The following IL1RAPL1 variants were observed in gnomAD, a reference collection of about 807,000 sequenced individuals.
IL1RAPL1 encodes interleukin 1 receptor accessory protein like 1, also known as interleukin-1 receptor accessory protein-like 1.
Under a neutral mutation model 48.4 loss-of-function variants are expected in IL1RAPL1, and 3 were observed. That is an observed-to-expected ratio of 0.06 (90% CI 0.03 to 0.16). The LOEUF (loss-of-function observed/expected upper bound fraction) is 0.16, where lower values mean the gene tolerates loss of function less well. Ranked by LOEUF, IL1RAPL1 falls within the 10% of genes least tolerant of loss-of-function variation. The pLI, the probability that IL1RAPL1 is intolerant of heterozygous loss-of-function variation, is 1.00. For synonymous variants in IL1RAPL1, 185 were observed against 187.7 expected (o/e 0.99, Z 0.12); for missense variants, 349 against 530.6 (o/e 0.66, Z 3.36).
intron 1 of IL1RAPL1, among the ~76,000 whole-genome samples, chrX:28,720,723 T>C (rs1335875430): frequency 9.0e-6 from 1 of 111,471 alleles, no homozygotes; most frequent in East Asian, 2.8e-4. Context: ...TTACATTAGG[T>C]ATATCTCCTA....
intron 5 of IL1RAPL1, among the ~76,000 whole-genome samples, chrX:29,552,802 C>CTTTTTTTTTTTTTT (rs765234944): frequency 0.015 from 349 of 23,007 alleles, no homozygotes; most frequent in East Asian, 0.033. Context: ...TTTCACTCTC[C>CTTTTTTTTTTTTTT]TTTTTTTTTT....
chrX:29,348,675 C>T (rs1933183675), intron 3 of IL1RAPL1, among the ~76,000 whole-genome samples: 1 of 111,548 alleles, frequency 9.0e-6, no homozygotes, highest in South Asian at 3.7e-4. Context: ...GGAAATTGGA[C>T]AGATGATGTA....
chrX:29,368,109 TAC>T (rs2147664575), intron 3 of IL1RAPL1, among the ~76,000 whole-genome samples: 1 of 111,511 alleles, frequency 9.0e-6, no homozygotes, highest in East Asian at 2.8e-4. Flanking sequence ...ACTGAACATG[TAC>T]AGTCTTTATT....
At chrX:29,160,126 T>G (rs1929652335) in intron 2 of IL1RAPL1, among the ~76,000 whole-genome samples, 1 of 112,220 alleles carries the variant, frequency 8.9e-6, no homozygotes, top group African/African-American at 3.2e-5. Context: ...ATTAATCTGG[T>G]ATATGTGAAC....
Position 29,554,048 on chromosome X carries a change from G to T in IL1RAPL1, c.704-114382G>T, listed in dbSNP as rs146943994. Among the ~76,000 whole-genome samples the T allele has an allele frequency of 8.6e-3, 941 of 109,973 alleles. 24 individuals are homozygous for T. Among genetic ancestry groups the T allele is most frequent in the East Asian group, 0.076 (262 of 3,450 alleles). Reference sequence around the variant, plus strand: ...CAATTTTCTGATGGATCCAAGAAAAGTCAATGATTTTTAGTTTCTTTGGCT... The same window carrying T: ...CAATTTTCTGATGGATCCAAGAAAATTCAATGATTTTTAGTTTCTTTGGCT... On this transcript the variant is annotated intron_variant, in intron 5 of 10. Transcript: ENST00000378993.
At chrX:29,616,319 G>A (rs1924282527) in intron 5 of IL1RAPL1, among the ~76,000 whole-genome samples, 1 of 67,698 alleles carries the variant, frequency 1.5e-5, no homozygotes, top group African/African-American at 1.4e-4. Flanking sequence ...GATCCAGGAG[G>A]GATTCTTTTT....
At chrX:29,840,587 C>T (rs768984369) in intron 6 of IL1RAPL1, among the ~76,000 whole-genome samples, 10 of 112,141 alleles carry the variant, frequency 8.9e-5, no homozygotes, top group Non-Finnish European at 1.9e-4. Context: ...CAGTGCAGAA[C>T]ATACAAGGAT....
chrX:29,955,333 C>A lies in IL1RAPL1; in HGVS notation c.1604C>A (p.Thr535Lys). ...CTGAAGCACACCATCAAGCTCCTGA[C>A]GGTCATTAAATGGCATGGACCAAAA... The part of the protein sequence containing the change: ...EALKHTIKLL[T>K]VIKWHGPKCN... The change falls in exon 11 of 11, where the codon ACG becomes AAG. Residue 535 changes from threonine to lysine, a missense_variant. This residue lies in a region of IL1RAPL1 where 46 missense variants were observed against 113.3 expected (regional missense o/e 0.41). Transcript: ENST00000378993. 8.3e-7 allele frequency: 1 copy of A among 1,210,754 alleles called. No individual in the cohort carries two copies. Among genetic ancestry groups the A allele is most frequent in the Middle Eastern group, 2.3e-4 (1 of 4,349 alleles).
At chrX:28,746,922 A>G (rs1346014447) in intron 1 of IL1RAPL1, among the ~76,000 whole-genome samples, 1 of 111,321 alleles carries the variant, frequency 9.0e-6, no homozygotes, top group East Asian at 2.8e-4. Flanking sequence ...ATTTATTTAT[A>G]ACGCCATTCT....
intron 2 of IL1RAPL1, among the ~76,000 whole-genome samples, chrX:29,118,370 G>A (rs1193292734): frequency 9.0e-6 from 1 of 111,668 alleles, no homozygotes; most frequent in Non-Finnish European, 1.9e-5. Flanking sequence ...GGTGAATAAA[G>A]GGACACAGAG....
chrX:29,771,559 CTG>C (rs1929065124), intron 6 of IL1RAPL1, among the ~76,000 whole-genome samples: 1 of 111,951 alleles, frequency 8.9e-6, no homozygotes, highest in Non-Finnish European at 1.9e-5. Context: ...TCTTAAGAAA[CTG>C]TGATGGCTTG....
At chrX:29,459,746 CCTA>C (rs1934781149) in intron 5 of IL1RAPL1, among the ~76,000 whole-genome samples, 1 of 111,859 alleles carries the variant, frequency 8.9e-6, no homozygotes, top group South Asian at 3.7e-4. Flanking sequence ...CATTACCTCA[CCTA>C]CTTATCACTT....
In IL1RAPL1 at chrX:29,131,126, T is replaced by A. The variant is rs181179350; in HGVS notation, c.83-151812T>A. Among the ~76,000 whole-genome samples, 190 of 109,732 alleles carry A rather than the reference T, an allele frequency of 1.7e-3. 3 individuals are homozygous for A. The highest frequency in any genetic ancestry group is 0.016 in the Admixed American group (168 of 10,331). ...TTACATATAGTAGCCCAGTGCCAAC[T>A]CACTGCAGTAAATCTCAGTGCTAGG... On this transcript the variant is annotated intron_variant, in intron 2 of 10. Coordinates refer to ENST00000378993, the MANE Select transcript of IL1RAPL1 (RefSeq NM_014271.4).
chrX:28,744,199 T>G (rs188332724), intron 1 of IL1RAPL1, among the ~76,000 whole-genome samples: 13 of 111,546 alleles, frequency 1.2e-4, no homozygotes, highest in African/African-American at 4.2e-4. Context: ...AAAAAGAGTC[T>G]TTACATCTTT....
At chrX:29,660,951 C>T (rs148275387) in intron 5 of IL1RAPL1, among the ~76,000 whole-genome samples, 1 of 111,965 alleles carries the variant, frequency 8.9e-6, no homozygotes, top group South Asian at 3.7e-4. Flanking sequence ...ATTAATTCTT[C>T]CAATGTATGA....
At chrX:29,936,148 A>G (rs1251112995) in intron 8 of IL1RAPL1, among the ~76,000 whole-genome samples, 4 of 109,655 alleles carry the variant, frequency 3.6e-5, no homozygotes, top group Non-Finnish European at 5.7e-5. Flanking sequence ...TGTATTGTAG[A>G]ACTGAGTTGA....
chrX:29,218,423 C>T (rs1282742965), intron 2 of IL1RAPL1, among the ~76,000 whole-genome samples: 1 of 111,286 alleles, frequency 9.0e-6, no homozygotes, highest in Non-Finnish European at 1.9e-5. Context: ...AGAAAGCTAC[C>T]CTGTCTTTAT....
At chrX:29,805,118 T>G (rs1365470414) in intron 6 of IL1RAPL1, among the ~76,000 whole-genome samples, 3 of 111,842 alleles carry the variant, frequency 2.7e-5, no homozygotes, top group Non-Finnish European at 3.8e-5. Context: ...TTTGTAGATT[T>G]CAGTTTTTTT....
At chrX:29,256,513 CT>C (rs748395893) in intron 2 of IL1RAPL1, among the ~76,000 whole-genome samples, 2 of 111,558 alleles carry the variant, frequency 1.8e-5, no homozygotes, top group Non-Finnish European at 3.8e-5. Flanking sequence ...ATGTTAATTG[CT>C]GATTTCATTA....
Sources: gnomAD v4.1 joint callset for allele counts (sites outside exome capture counted in the v4.1 genomes callset) on GRCh38, gnomAD v4.1.1 for gene constraint, gnomAD v4.1.1 regional missense constraint, MANE v1.5 for transcripts, NCBI Gene and HGNC (gene_info 2026-07-23, HGNC 2026-07-21) for gene names.